Variants in LRP1B observed in about 807,000 individuals in gnomAD.
LRP1B encodes low-density lipoprotein receptor-related protein 1B.
LRP1B carries 217 observed loss-of-function variants against 556.6 expected under a neutral mutation model. The ratio of observed to expected loss-of-function variants is 0.39; its 90% CI spans 0.35 to 0.44. The LOEUF is 0.44. Ranked by LOEUF, LRP1B falls within the 20% of genes least tolerant of loss-of-function variation. The pLI is 1.00. For missense variants in LRP1B, 5,053 were observed against 5,620.8 expected (o/e 0.90, Z 3.23); for synonymous variants, 2,047 against 1,865.8 (o/e 1.10, Z -2.50).
chr2:140,291,789 T>C (rs999370384), intron 84 of LRP1B, among the ~76,000 whole-genome samples: 7 of 152,164 alleles, frequency 4.6e-5, no homozygotes, highest in African/African-American at 1.4e-4. Context: ...TGTTTCTTAA[T>C]AGCAGCATGA....
At chr2:140,404,168 C>CTTTTTTTTT (rs68017900) in intron 66 of LRP1B, among the ~76,000 whole-genome samples, 3 of 92,444 alleles carry the variant, frequency 3.2e-5, no homozygotes, top group Non-Finnish European at 4.0e-5. Context: ...AATAGAACTT[C>CTTTTTTTTT]TTTTTTTTTT....
intron 67 of LRP1B, among the ~76,000 whole-genome samples, chr2:140,385,545 T>C (rs765246469): frequency 2.6e-5 from 4 of 152,104 alleles, no homozygotes; most frequent in Non-Finnish European, 5.9e-5. Context: ...TGAATACTAT[T>C]TGTTAAAGAA....
intron 77 of LRP1B, among the ~76,000 whole-genome samples, chr2:140,349,013 C>T (rs1181334936): frequency 6.6e-6 from 1 of 152,116 alleles, no homozygotes; most frequent in Non-Finnish European, 1.5e-5. Flanking sequence ...AGATTCCTCA[C>T]ATGCACAGTT....
intron 5 of LRP1B, among the ~76,000 whole-genome samples, chr2:141,238,984 G>C (rs1375867439): frequency 6.6e-6 from 1 of 152,002 alleles, no homozygotes; most frequent in Non-Finnish European, 1.5e-5. Flanking sequence ...AAACTGGGGA[G>C]TCTCAGTCTC....
At chr2:140,831,757 T>A (rs1003469912) in intron 31 of LRP1B, among the ~76,000 whole-genome samples, 1 of 152,116 alleles carries the variant, frequency 6.6e-6, no homozygotes, top group Non-Finnish European at 1.5e-5. Flanking sequence ...GAAGAAAATA[T>A]TTACAAACTA....
intron 2 of LRP1B, among the ~76,000 whole-genome samples, chr2:141,547,911 C>T (rs1685611635): frequency 6.6e-6 from 1 of 151,180 alleles, no homozygotes; most frequent in Admixed American, 6.6e-5. Context: ...TTTTCAAAAT[C>T]GGTATGTATG....
chr2:141,593,876 C>T (rs1687423657), intron 2 of LRP1B, among the ~76,000 whole-genome samples: 1 of 152,102 alleles, frequency 6.6e-6, no homozygotes, highest in African/African-American at 2.4e-5. Context: ...ACCCTACCTC[C>T]AAAGCCTGTC....
At chr2:140,660,512 T>A (rs1685053173) in intron 41 of LRP1B, among the ~76,000 whole-genome samples, 1 of 152,188 alleles carries the variant, frequency 6.6e-6, no homozygotes, top group South Asian at 2.1e-4. Context: ...CATCATATAA[T>A]CTATCAAAGC....
At chr2:141,396,583 T>G (rs1025532004) in intron 3 of LRP1B, among the ~76,000 whole-genome samples, 6 of 152,224 alleles carry the variant, frequency 3.9e-5, no homozygotes, top group African/African-American at 1.4e-4. Flanking sequence ...TGCTATGCCC[T>G]GACGTTCTGA....
intron 35 of LRP1B, among the ~76,000 whole-genome samples, chr2:140,741,006 C>T (rs1163654983): frequency 6.6e-6 from 1 of 152,088 alleles, no homozygotes; most frequent in Non-Finnish European, 1.5e-5. Context: ...TATCTTCATG[C>T]CTCTCAGAGA....
At chr2:141,455,992 A>T (rs1386927100) in intron 3 of LRP1B, among the ~76,000 whole-genome samples, 1 of 152,230 alleles carries the variant, frequency 6.6e-6, no homozygotes, top group Non-Finnish European at 1.5e-5. Context: ...TCCTCTATCC[A>T]TGGGCTTCTG....
At chr2:140,307,116 A>G (rs1332904911) in intron 83 of LRP1B, among the ~76,000 whole-genome samples, 1 of 152,014 alleles carries the variant, frequency 6.6e-6, no homozygotes, top group Non-Finnish European at 1.5e-5. Context: ...CTAATATTTA[A>G]AGGAACAATA....
At chr2:141,673,841 T>A (rs1428165147) in intron 2 of LRP1B, among the ~76,000 whole-genome samples, 1 of 152,046 alleles carries the variant, frequency 6.6e-6, no homozygotes, top group Non-Finnish European at 1.5e-5. Context: ...TTTTTTAAAA[T>A]TTTTAATCAC....
chr2:141,944,063 C>T (rs572183946), intron 1 of LRP1B, among the ~76,000 whole-genome samples: 2 of 152,212 alleles, frequency 1.3e-5, no homozygotes, highest in South Asian at 2.1e-4. Context: ...TCTCCCAGTG[C>T]GCAGATTTGT....
chr2:141,276,902 C>T (rs535552187), intron 3 of LRP1B, among the ~76,000 whole-genome samples: 58 of 152,194 alleles, frequency 3.8e-4, no homozygotes, highest in Middle Eastern at 3.4e-3. Context: ...GTGATCTGCC[C>T]GCCTCGGCCT....
At chr2:140,443,622 C>T (rs1261600393) in intron 65 of LRP1B, among the ~76,000 whole-genome samples, 1 of 152,324 alleles carries the variant, frequency 6.6e-6, no homozygotes, top group African/African-American at 2.4e-5. Context: ...TTGACAGGTG[C>T]TCCATTAGTC....
chr2:141,000,813 T>C (rs1272293845), intron 15 of LRP1B, among the ~76,000 whole-genome samples: 1 of 152,076 alleles, frequency 6.6e-6, no homozygotes, highest in Non-Finnish European at 1.5e-5. Flanking sequence ...CTTCTGCTTA[T>C]CCCAGCTCAC....
intron 71 of LRP1B, among the ~76,000 whole-genome samples, chr2:140,365,797 G>A (rs1035849417): frequency 6.6e-6 from 1 of 151,612 alleles, no homozygotes; most frequent in Admixed American, 6.6e-5. Flanking sequence ...GGGTTGTCTA[G>A]ATTTGACTTA....
chr2:141,458,659 C>G (rs12997611), intron 3 of LRP1B, among the ~76,000 whole-genome samples: 109,124 of 151,800 alleles, frequency 0.72, 41,919 homozygotes, highest in Non-Finnish European at 0.85. Flanking sequence ...TTTTTTAAAT[C>G]GTAAAACCAA....
Sources: allele counts gnomAD v4.1 joint callset (sites outside exome capture counted in the v4.1 genomes callset), GRCh38; gene constraint gnomAD v4.1.1; transcripts MANE v1.5; gene names NCBI Gene and HGNC (gene_info 2026-07-23, HGNC 2026-07-21).